The following KATNAL1 variants were observed in gnomAD, a reference collection of about 807,000 sequenced individuals.
The protein encoded by KATNAL1 is katanin catalytic subunit A1 like 1, also known as katanin p60 ATPase-containing subunit A-like 1.
In KATNAL1, 32 loss-of-function variants were observed where a neutral mutation model predicts 55.2. That is an observed-to-expected ratio of 0.58 (90% CI 0.44 to 0.78). The LOEUF is 0.78. Among genes scored for constraint, KATNAL1 ranks in the 30% least tolerant of loss-of-function variants. The pLI is 0.00. For synonymous variants in KATNAL1, 193 were observed against 193.6 expected, an observed-to-expected ratio of 1.00 and a Z score of 0.02; for missense variants, 466 against 600.9, an observed-to-expected ratio of 0.78 and a Z score of 2.35.
chr13:30,238,988 A>T (rs1401995538), intron 6 of KATNAL1, among the ~76,000 whole-genome samples: 5 of 152,232 alleles, frequency 3.3e-5, no homozygotes, highest in Non-Finnish European at 7.3e-5. Flanking sequence ...TAGTATGCCA[A>T]ATAGTGGGGA....
intron 9 of KATNAL1, among the ~76,000 whole-genome samples, chr13:30,213,310 C>A (rs1873877266): frequency 6.6e-6 from 1 of 152,124 alleles, no homozygotes; most frequent in Admixed American, 6.5e-5. Flanking sequence ...GAGTCCAGGA[C>A]CAGATGGATT....
intron 4 of KATNAL1, among the ~76,000 whole-genome samples, chr13:30,252,296 G>C (rs1162457877): frequency 6.6e-6 from 1 of 152,166 alleles, no homozygotes; most frequent in East Asian, 1.9e-4. Context: ...AAGGATAAGT[G>C]CGCTCAAGGA....
rs1873357830 is a variant in KATNAL1, at chr13:30,208,495, T to C, written c.*45A>G. 1.4e-6 allele frequency: 2 copies of C among 1,424,348 alleles called. No homozygotes were observed. The highest frequency in any genetic ancestry group is 1.9e-6 in the Non-Finnish European group (2 of 1,069,590). 88.2% of individuals were successfully genotyped at this position (1,424,348 alleles called of 1,614,324 possible). ...TTTAAAAATTGCAGGAATTTCTTCGTATTTTATCAACAAAAATACCAGAAA... is the reference window on the plus strand; with the variant it reads ...TTTAAAAATTGCAGGAATTTCTTCGCATTTTATCAACAAAAATACCAGAAA... On this transcript the variant is annotated 3_prime_UTR_variant, in exon 11 of 11. Coordinates refer to ENST00000380615, the MANE Select transcript of KATNAL1 (RefSeq NM_032116.5).
Position 30,206,150 on chromosome 13 carries a change from C to T in KATNAL1, c.*2390G>A, listed in dbSNP as rs10161646. ...ATACAAAAAAATAAGCCGGGTGTGGCGGCAACTGTAATCCCAGCTACTCAG... is the reference window on the plus strand; with the variant it reads ...ATACAAAAAAATAAGCCGGGTGTGGTGGCAACTGTAATCCCAGCTACTCAG... On this transcript the variant is annotated 3_prime_UTR_variant, in exon 11 of 11. Transcript: ENST00000380615. 95,778 of 151,578 alleles carry T rather than the reference C, an allele frequency of 0.63. 31,036 individuals are homozygous for T. Among genetic ancestry groups the T allele is most frequent in the Middle Eastern group, 0.72 (216 of 298 alleles). 9.4% of individuals were successfully genotyped at this position (151,578 alleles called of 1,614,324 possible).
At chr13:30,210,590 C>A in intron 9 of KATNAL1, 148 bp from the exon 10 acceptor site, 1 of 404,154 alleles carries the variant, frequency 2.5e-6, no homozygotes, top group Non-Finnish European at 4.4e-6. Context: ...TACCAATTCA[C>A]TGCATGACTC....
chr13:30,277,982 C>CAAAAAAAAAAAAAAAAAAAA (rs55683675), intron 3 of KATNAL1, among the ~76,000 whole-genome samples: 2 of 61,324 alleles, frequency 3.3e-5, no homozygotes, highest in African/African-American at 1.4e-4. Context: ...GACTCCGTCT[C>CAAAAAAAAAAAAAAAAAAAA]AAAAAAAAAA....
Position 30,268,372 on chromosome 13 carries a change from A to C in KATNAL1, c.323+11691T>G, listed in dbSNP as rs538594463. The stretch of plus-strand genomic sequence containing the variant: ...AGAGAACTGCCAGCTATAGACTACA[A>C]AATAAATATGTTTAATATGATCAGA... On this transcript the variant is annotated intron_variant, in intron 3 of 10. Transcript: ENST00000380615. Among the ~76,000 whole-genome samples the C allele has an allele frequency of 3.9e-5, 6 of 152,324 alleles. No individual in the cohort carries two copies. The East Asian group carries it at 1.2e-3, about 29-fold the overall frequency.
Position 30,204,438 on chromosome 13 carries a change from G to C in KATNAL1, c.*4102C>G, listed in dbSNP as rs1433670123. The C allele has an allele frequency of 1.3e-5, 2 of 152,124 alleles. No individual in the cohort carries two copies. The highest frequency in any genetic ancestry group is 4.1e-4 in the South Asian group (2 of 4,828). 9.4% of individuals were successfully genotyped at this position (152,124 alleles called of 1,614,324 possible). ...TTCATTTTATCTCAAGTTAGGGTGG[G>C]GGGAAAGTGAATCACAGCTACCTCA... is the stretch of plus-strand genomic sequence containing the variant. On this transcript the variant is annotated 3_prime_UTR_variant, in exon 11 of 11. Transcript: ENST00000380615.
At position 30,210,390 on chromosome 13, in the gene KATNAL1, A is replaced by T; in HGVS notation, c.1200T>A (p.Asp400Glu). 2 of 1,607,470 alleles carry T rather than the reference A, an allele frequency of 1.2e-6. No individual in the cohort carries two copies. Among genetic ancestry groups the T allele is most frequent in the Non-Finnish European group, 1.7e-6 (2 of 1,177,310 alleles). ...CTATATCTTCCAGTTGAATATCAGG[A>T]TCTAATTCGACCTCACGAAGGTTGA... ...LKINLREVEL[D>E]PDIQLEDIAE... is the part of the protein sequence containing the mutation. Residue 400 changes from aspartate (D) to glutamate (E), a missense_variant, in exon 10 of 11, where the codon GAT becomes GAA. Around this residue, in one of 3 missense-constraint regions of KATNAL1, gnomAD observed 213 missense variants for 308.6 expected, o/e 0.69. Transcript: ENST00000380615.
intron 10 of KATNAL1, among the ~76,000 whole-genome samples, chr13:30,209,078 G>T (rs1385038866): frequency 1.3e-5 from 2 of 152,218 alleles, no homozygotes; most frequent in Non-Finnish European, 1.5e-5. Context: ...ACTTGGAAAT[G>T]AACATATGGC....
chr13:30,250,940 C>G (rs892715966), intron 4 of KATNAL1, among the ~76,000 whole-genome samples: 4 of 152,136 alleles, frequency 2.6e-5, no homozygotes, highest in Admixed American at 2.6e-4. Flanking sequence ...AGATCGAGAC[C>G]ATCCTGGATA....
At chr13:30,296,516 C>G (rs541063511) in intron 1 of KATNAL1, 13 of 734,238 alleles carry the variant, frequency 1.8e-5, no homozygotes, top group African/African-American at 1.2e-4. Flanking sequence ...GCATTGCCTA[C>G]TGGGGCCTCT....
At chr13:30,237,675 CT>C (rs1179023199) in intron 6 of KATNAL1, among the ~76,000 whole-genome samples, 1 of 152,136 alleles carries the variant, frequency 6.6e-6, no homozygotes, top group East Asian at 1.9e-4. Flanking sequence ...AGCTTCAGCC[CT>C]GTATTTCTAA....
chr13:30,294,908 A>G (rs1415106979), intron 1 of KATNAL1, among the ~76,000 whole-genome samples: 2 of 152,244 alleles, frequency 1.3e-5, no homozygotes, highest in Non-Finnish European at 1.5e-5. Flanking sequence ...ATGGAATAGC[A>G]AAGTCTAGAT....
chr13:30,223,328 G>C (rs1417068997), intron 9 of KATNAL1, among the ~76,000 whole-genome samples: 1 of 149,956 alleles, frequency 6.7e-6, no homozygotes, highest in Admixed American at 6.7e-5. Context: ...TGTGGTCCCA[G>C]CTACTCGGGA....
rs1429496727 is a variant in KATNAL1 at position 30,213,795 on chromosome 13, T to A, written c.1148-3353A>T. On this transcript the variant is annotated intron_variant, in intron 9 of 10. Coordinates refer to ENST00000380615, the MANE Select transcript of KATNAL1 (RefSeq NM_032116.5). Reference sequence around the variant, plus strand: ...ATCTCAAAATAATAAGAGCTACCTATGACAAACTCACAGCCAATATCATAT... The same window carrying A: ...ATCTCAAAATAATAAGAGCTACCTAAGACAAACTCACAGCCAATATCATAT... 2.6e-5 allele frequency among the ~76,000 whole-genome samples: 4 copies of A among 152,336 alleles called. No homozygotes were observed. The East Asian group carries it at 7.7e-4, about 29-fold the overall frequency.
chr13:30,274,889 ATACGCGCGCGCGCGCGCG>A (rs774560497), intron 3 of KATNAL1, among the ~76,000 whole-genome samples: 6 of 107,126 alleles, frequency 5.6e-5, no homozygotes, highest in South Asian at 2.9e-4. Flanking sequence ...GTGCACACAC[ATACGCGCGCGCGCGCGCG>A]CACACACACA....
chr13:30,235,985 A>G (rs1046572620), intron 6 of KATNAL1, among the ~76,000 whole-genome samples: 3 of 152,234 alleles, frequency 2.0e-5, no homozygotes, highest in Admixed American at 2.0e-4. Flanking sequence ...CATTATTAAG[A>G]AAATTATGAG....
Position 30,227,563 on chromosome 13 carries a change from A to G in KATNAL1, c.1013-17T>C, listed in dbSNP as rs772915403. On this transcript the variant is annotated splice_polypyrimidine_tract_variant and intron_variant, in intron 8 of 10. Coordinates refer to ENST00000380615, the MANE Select transcript of KATNAL1 (RefSeq NM_032116.5). ...CTCCAACTCCTATACACAGTAAGGG[A>G]GGAAAAGATAGTGTTTTTCTTACAA... 1.3e-6 allele frequency: 2 copies of G among 1,593,048 alleles called. No individual in the cohort carries two copies. Among genetic ancestry groups the G allele is most frequent in the Non-Finnish European group, 1.7e-6 (2 of 1,168,232 alleles).
Sources: gnomAD v4.1 joint callset for allele counts (sites outside exome capture counted in the v4.1 genomes callset) on GRCh38, gnomAD v4.1.1 for gene constraint, gnomAD v4.1.1 regional missense constraint, MANE v1.5 for transcripts, NCBI Gene and HGNC (gene_info 2026-07-23, HGNC 2026-07-21) for gene names.